PDE4DIP: variants seen among roughly 807,000 people sequenced by gnomAD.
PDE4DIP encodes phosphodiesterase 4D interacting protein.
Under a neutral mutation model 221.4 loss-of-function variants are expected in PDE4DIP, and 59 were observed. That is an observed-to-expected ratio of 0.27 (90% confidence interval 0.22 to 0.33). PDE4DIP has a LOEUF of 0.33. Ranked by LOEUF, PDE4DIP falls within the 10% of genes least tolerant of loss-of-function variation. The pLI, the probability that PDE4DIP is intolerant of heterozygous loss-of-function variation, is 1.00. For synonymous variants in PDE4DIP, 404 were observed against 815.9 expected (o/e 0.50, Z 8.60); for missense variants, 1,036 against 2,154.2 (o/e 0.48, Z 10.28).
At chr1:148,953,821 A>C (rs781935476) in intron 5 of PDE4DIP, 5 of 1,477,960 alleles carry the variant, frequency 3.4e-6, no homozygotes, top group Non-Finnish European at 4.7e-6. Context: ...TTTACAAGAC[A>C]CCTGTGAGTT....
chr1:148,979,750 T>C, exon 20 of PDE4DIP: 1 of 1,613,218 alleles, frequency 6.2e-7, no homozygotes, highest in Non-Finnish European at 8.5e-7. Context: ...CTGCTGATGC[T>C]AGAAGGACTA....
intron 1 of PDE4DIP, among the ~76,000 whole-genome samples, chr1:148,915,201 G>A (rs1228423331): frequency 6.6e-6 from 1 of 152,082 alleles, no homozygotes; most frequent in Admixed American, 6.5e-5. Context: ...AGGCTGGAGT[G>A]CAGTGGTGCA....
chr1:148,975,335 A>C (rs587738788), intron 17 of PDE4DIP, among the ~76,000 whole-genome samples: 3 of 145,412 alleles, frequency 2.1e-5, no homozygotes, highest in Non-Finnish European at 4.5e-5. Context: ...TTCATGTGCA[A>C]TGTACTGTGC....
rs1322714743 is a variant in PDE4DIP, at chr1:148,982,657, G to A, written c.2815+1260G>A. ...AATTTGTTTTCATTTCCTCTGGTTG[G>A]AAGTTTCCTAGGTTAGAAGCTGAGG... On this transcript the variant is annotated intron_variant, in intron 21 of 43. Transcript: ENST00000369354. The A allele has an allele frequency of 3.9e-5, 6 of 152,250 alleles. No homozygotes were observed. In the East Asian group the frequency reaches 1.2e-3, roughly 29 times the overall value. 9.4% of individuals were successfully genotyped at this position (152,250 alleles called of 1,614,324 possible). A position where few individuals can be genotyped will look rare whatever the true frequency, so the allele number is the denominator to read the frequency against.
chr1:149,031,708 G>C (rs1266211528), intron 43 of PDE4DIP, among the ~76,000 whole-genome samples: 1 of 145,116 alleles, frequency 6.9e-6, no homozygotes, highest in African/African-American at 2.6e-5. Context: ...CAGCCACCCA[G>C]TGTGCAGTGA....
chr1:149,028,575 G>A (rs587744989), exon 41 of PDE4DIP: 1 of 1,610,936 alleles, frequency 6.2e-7, no homozygotes, highest in Non-Finnish European at 8.5e-7. Flanking sequence ...AGGCAGCAAA[G>A]GTATTCATGA....
At chr1:148,949,743 A>C (rs1553486169) in intron 5 of PDE4DIP, among the ~76,000 whole-genome samples, 3 of 152,060 alleles carry the variant, frequency 2.0e-5, no homozygotes, top group Non-Finnish European at 2.9e-5. Flanking sequence ...GGAACATCTT[A>C]TTTTATAATG....
At chr1:148,990,261 C>A (rs2062758055) in intron 21 of PDE4DIP, 1 of 982,804 alleles carries the variant, frequency 1.0e-6, no homozygotes, top group African/African-American at 1.7e-5. Flanking sequence ...CTTAAAGCTG[C>A]CATAATGGAA....
At chr1:149,030,074 T>C (rs1467823370) in intron 42 of PDE4DIP, 149 bp downstream of exon 45, 2 of 1,087,824 alleles carry the variant, frequency 1.8e-6, no homozygotes, top group Non-Finnish European at 1.3e-6. Flanking sequence ...CCAGGAGCAA[T>C]TGTGGCTGCA....
rs1409220968 is a variant in PDE4DIP at position 148,815,143 on chromosome 1, T to C, written c.233+6406T>C. 7.7e-5 allele frequency among the ~76,000 whole-genome samples: 9 copies of C among 117,576 alleles called. No individual in the cohort carries two copies. In the East Asian group the frequency reaches 2.0e-3, roughly 26 times the overall value. 77.1% of individuals were successfully genotyped at this position (117,576 alleles called of 152,430 possible). ...ATAAATAAATAAATAAATAAAATAG[T>C]AAAGTAGAAAGAAGAGACAAAGATC... On this transcript the variant is annotated intron_variant, in intron 1 of 45. Coordinates refer to the PDE4DIP transcript ENST00000524974.
At chr1:148,986,654 G>A (rs1307957576) in intron 21 of PDE4DIP, among the ~76,000 whole-genome samples, 1 of 151,996 alleles carries the variant, frequency 6.6e-6, no homozygotes, top group African/African-American at 2.4e-5. Context: ...TTCTCCTCTC[G>A]AAGAAGTGAG....
intron 30 of PDE4DIP, 49 bp downstream of exon 33, chr1:149,009,840 G>C: frequency 7.7e-7 from 1 of 1,297,582 alleles, no homozygotes; most frequent in Non-Finnish European, 1.1e-6. Context: ...GCTGAGTGGA[G>C]AACTCAGGAA....
intron 8 of PDE4DIP, 31 bp downstream of exon 11, chr1:148,962,319 C>G: frequency 6.5e-7 from 1 of 1,535,290 alleles, no homozygotes; most frequent in Non-Finnish European, 9.0e-7. Flanking sequence ...ACAGGAGAGA[C>G]TTCAGTTGGG....
At chr1:148,924,731 C>T (rs1398767963) in intron 1 of PDE4DIP, among the ~76,000 whole-genome samples, 4 of 149,668 alleles carry the variant, frequency 2.7e-5, no homozygotes, top group African/African-American at 1.0e-4. Context: ...TTCCCATCTC[C>T]CCTTTCTTGA....
At chr1:148,997,015 A>G (rs2064390062) in intron 22 of PDE4DIP, among the ~76,000 whole-genome samples, 1 of 152,232 alleles carries the variant, frequency 6.6e-6, no homozygotes. Context: ...TGACTCAGCA[A>G]CAGCTGTGGG....
intron 5 of PDE4DIP, 165 bp downstream of exon 8, chr1:148,938,029 G>T (rs2049638920): frequency 2.0e-6 from 1 of 509,376 alleles, no homozygotes; most frequent in African/African-American, 1.9e-5. Flanking sequence ...TGTGAGTCAA[G>T]AGTCCAGATA....
At chr1:148,935,083 G>A (rs1249021217) in intron 4 of PDE4DIP, among the ~76,000 whole-genome samples, 13 of 151,968 alleles carry the variant, frequency 8.6e-5, no homozygotes, top group African/African-American at 2.2e-4. Flanking sequence ...GCATGGTGGC[G>A]CATGCCTGTA....
At chr1:149,014,670 CT>C (rs1553608977) in intron 32 of PDE4DIP, among the ~76,000 whole-genome samples, 1 of 118,264 alleles carries the variant, frequency 8.5e-6, no homozygotes, top group Non-Finnish European at 1.7e-5. Flanking sequence ...GATTGTAGCC[CT>C]TTCTTTCTCC....
At chr1:148,962,007 A>C (rs1553511497) in intron 7 of PDE4DIP, 51 bp downstream of exon 10, 1 of 789,032 alleles carries the variant, frequency 1.3e-6, no homozygotes, top group South Asian at 1.4e-5. Flanking sequence ...GGTCCCTTCA[A>C]AGTAGACAAG....
Sources: gnomAD v4.1 joint callset for allele counts (sites outside exome capture counted in the v4.1 genomes callset) on GRCh38, gnomAD v4.1.1 for gene constraint, MANE v1.5 for transcripts, NCBI Gene and HGNC (gene_info 2026-07-23, HGNC 2026-07-21) for gene names.